The following ITPR2 variants were observed in gnomAD, a reference collection of about 807,000 sequenced individuals.
ITPR2 encodes the protein inositol 1,4,5-trisphosphate receptor type 2, also known as inositol 1,4,5-trisphosphate-gated calcium channel ITPR2.
A neutral mutation model predicts 317.1 loss-of-function variants in ITPR2; 207 were observed. The ratio of observed to expected loss-of-function variants is 0.65; its 90% CI spans 0.58 to 0.73. The LOEUF is 0.73. ITPR2 is among the 30% of genes least tolerant of loss of function. The pLI is 0.00. For synonymous variants in ITPR2, 1,156 were observed against 1,149.1 expected (o/e 1.01, Z -0.12); for missense variants, 2,613 against 3,284.0 (o/e 0.80, Z 4.99).
chr12:26,366,691 C>T (rs1939023486), intron 55 of ITPR2, among the ~76,000 whole-genome samples: 1 of 152,082 alleles, frequency 6.6e-6, no homozygotes, highest in Non-Finnish European at 1.5e-5. Flanking sequence ...GCAAATGTTC[C>T]CTTTTGAGAA....
chr12:26,409,748 C>G (rs1209098506), intron 52 of ITPR2, among the ~76,000 whole-genome samples: 1 of 152,114 alleles, frequency 6.6e-6, no homozygotes, highest in Non-Finnish European at 1.5e-5. Flanking sequence ...TATTGCTTGA[C>G]AGAATCAGGA....
chr12:26,617,028 T>C (rs1040752701), intron 26 of ITPR2, among the ~76,000 whole-genome samples: 2 of 152,236 alleles, frequency 1.3e-5, no homozygotes, highest in African/African-American at 4.8e-5. Flanking sequence ...ACTGTCTGTG[T>C]TATCAGTAAG....
intron 49 of ITPR2, among the ~76,000 whole-genome samples, chr12:26,420,513 A>G (rs1940856097): frequency 6.6e-6 from 1 of 152,174 alleles, no homozygotes; most frequent in Admixed American, 6.5e-5. Flanking sequence ...GAAGTGAGAA[A>G]TGGGTTACTA....
intron 1 of ITPR2, among the ~76,000 whole-genome samples, chr12:26,791,649 C>T (rs1194524134): frequency 6.6e-6 from 1 of 152,060 alleles, no homozygotes; most frequent in African/African-American, 2.4e-5. Flanking sequence ...TGTGGTTTTA[C>T]AAGAGCTGCC....
chr12:26,808,856 AC>A (rs1261811204), intron 1 of ITPR2, among the ~76,000 whole-genome samples: 4 of 152,170 alleles, frequency 2.6e-5, no homozygotes, highest in African/African-American at 9.6e-5. Context: ...AAGAGAACAC[AC>A]TCTATTCAAC....
intron 55 of ITPR2, among the ~76,000 whole-genome samples, chr12:26,358,874 G>C (rs1938729755): frequency 6.6e-6 from 1 of 152,112 alleles, no homozygotes; most frequent in African/African-American, 2.4e-5. Flanking sequence ...TTCCCACCAG[G>C]GGTTGGCTCC....
At chr12:26,344,257 T>C (rs1169913616) in intron 55 of ITPR2, among the ~76,000 whole-genome samples, 1 of 152,142 alleles carries the variant, frequency 6.6e-6, no homozygotes, top group East Asian at 1.9e-4. Context: ...ACAGGGCTCC[T>C]CTTGGGAGAG....
chr12:26,578,823 G>A lies in ITPR2; in HGVS notation c.4520C>T (p.Pro1507Leu). 1 of 1,608,260 alleles carries A rather than the reference G, an allele frequency of 6.2e-7. No individual in the cohort carries two copies. The highest frequency in any genetic ancestry group is 8.5e-7 in the Non-Finnish European group (1 of 1,175,866). The change falls in exon 34 of 57, where the codon CCA (proline) becomes CTA (leucine). Residue 1507 changes from proline (P) to leucine (L), a missense_variant. Transcript: ENST00000381340. ...DNSTSLQTHQ[P>L]VFIQLLQSAF... ...AGATTGCAGTAGCTGAATAAAAACT[G>A]GCTGATGTGTCTAAAACCAGAAAGA...
At chr12:26,571,685 G>T (rs1003387681) in intron 34 of ITPR2, among the ~76,000 whole-genome samples, 4 of 152,216 alleles carry the variant, frequency 2.6e-5, no homozygotes, top group Admixed American at 2.0e-4. Flanking sequence ...CTACCTGTGT[G>T]ACCTTCAGAA....
At chr12:26,418,727 T>C (rs890850666) in intron 50 of ITPR2, among the ~76,000 whole-genome samples, 1 of 152,102 alleles carries the variant, frequency 6.6e-6, no homozygotes, top group Non-Finnish European at 1.5e-5. Context: ...TCCCACACTG[T>C]AGAGAATCTT....
At chr12:26,761,115 G>A (rs1949623707) in intron 2 of ITPR2, among the ~76,000 whole-genome samples, 2 of 152,030 alleles carry the variant, frequency 1.3e-5, no homozygotes, top group South Asian at 2.1e-4. Flanking sequence ...ATGGACCTAA[G>A]TGCCAAGCAA....
At chr12:26,551,224 T>C (rs1485354655) in intron 36 of ITPR2, among the ~76,000 whole-genome samples, 1 of 152,120 alleles carries the variant, frequency 6.6e-6, no homozygotes, top group Non-Finnish European at 1.5e-5. Flanking sequence ...GGGGAAAAAG[T>C]GAACTTTCAC....
At chr12:26,784,800 C>T (rs1270283757) in intron 2 of ITPR2, among the ~76,000 whole-genome samples, 1 of 131,470 alleles carries the variant, frequency 7.6e-6, no homozygotes. Flanking sequence ...TGCCTGGCCC[C>T]CCATCGTCTG....
chr12:26,434,427 T>C (rs1445467823), intron 48 of ITPR2, among the ~76,000 whole-genome samples: 1 of 152,192 alleles, frequency 6.6e-6, no homozygotes, highest in Admixed American at 6.5e-5. Flanking sequence ...ACAAATACCA[T>C]GTATTCTGCT....
intron 2 of ITPR2, among the ~76,000 whole-genome samples, chr12:26,782,030 ATAT>A (rs1565760038): frequency 0.11 from 2,731 of 24,624 alleles, 64 homozygotes; most frequent in Non-Finnish European, 0.12. Flanking sequence ...ATATATATAT[ATAT>A]GTATAGAGAG....
Position 26,596,968 on chromosome 12 carries a change from T to G in ITPR2, c.4169A>C (p.Asn1390Thr), listed in dbSNP as rs1288381428. Residue 1390 changes from asparagine to threonine, a missense_variant, in exon 31 of 57, where the codon AAT becomes ACT. Asn to Thr is a moderately conservative substitution (Grantham distance 65, BLOSUM62 0). Coordinates refer to ENST00000381340, the MANE Select transcript of ITPR2 (RefSeq NM_002223.4). The part of the protein sequence containing the change: ...ELLAACTEGK[N>T]VYTEIKCNSL... The stretch of plus-strand genomic sequence containing the variant: ...ATTACACTTGATTTCAGTGTAGACA[T>G]TTTTCCCCTCTGTGCATGCTGCCAG... 1 of 1,611,366 alleles carries G rather than the reference T, an allele frequency of 6.2e-7. No homozygotes were observed. The highest frequency in any genetic ancestry group is 8.5e-7 in the Non-Finnish European group (1 of 1,178,582).
chr12:26,437,793 T>G lies in ITPR2; in HGVS notation c.6643+1334A>C, dbSNP rs181045522. ...AGAAAATATATGTTTTTTTGTTTTG[T>G]TTTGGTTTTTGTTTGTTTGTTTTAT... On this transcript the variant is annotated intron_variant, in intron 47 of 56. Coordinates refer to ENST00000381340, the MANE Select transcript of ITPR2 (RefSeq NM_002223.4). 3.7e-4 allele frequency among the ~76,000 whole-genome samples: 56 copies of G among 152,182 alleles called. No individual in the cohort carries two copies. In the East Asian group the frequency reaches 7.9e-3, roughly 22 times the overall value.
chr12:26,567,982 A>ATATATATATATATTATATATATTT (rs1565609569), intron 34 of ITPR2, among the ~76,000 whole-genome samples: 1 of 11,486 alleles, frequency 8.7e-5, no homozygotes, highest in Admixed American at 4.7e-4. Context: ...TATATATTAT[A>ATATATATATATATTATATATATTT]TATATATATA....
intron 13 of ITPR2, among the ~76,000 whole-genome samples, chr12:26,674,168 C>T (rs1947855352): frequency 2.0e-5 from 3 of 148,186 alleles, no homozygotes; most frequent in African/African-American, 4.9e-5. Flanking sequence ...CTACCAATGA[C>T]TTTCTTCACA....
Sources: allele counts gnomAD v4.1 joint callset (sites outside exome capture counted in the v4.1 genomes callset), GRCh38; gene constraint gnomAD v4.1.1; transcripts MANE v1.5; gene names NCBI Gene and HGNC (gene_info 2026-07-23, HGNC 2026-07-21).